LRIG1: variants seen among roughly 807,000 people sequenced by gnomAD.
LRIG1 encodes leucine rich repeats and immunoglobulin like domains 1, also known as leucine-rich repeats and immunoglobulin-like domains protein 1.
Under a neutral mutation model 99.2 loss-of-function variants are expected in LRIG1, and 48 were observed. The ratio of observed to expected loss-of-function variants is 0.48; its 90% CI spans 0.38 to 0.62. The LOEUF (loss-of-function observed/expected upper bound fraction) is 0.62, where lower values mean the gene tolerates loss of function less well. Among genes scored for constraint, LRIG1 ranks in the 20% least tolerant of loss-of-function variants. The pLI, the probability that LRIG1 is intolerant of heterozygous loss-of-function variation, is 0.00. For synonymous variants in LRIG1, 772 were observed against 596.1 expected, an observed-to-expected ratio of 1.29 and a Z score of -4.30; for missense variants, 1,646 against 1,434.4, an observed-to-expected ratio of 1.15 and a Z score of -2.38.
intron 4 of LRIG1, 57 bp downstream of exon 4, chr3:66,417,072 C>T (rs1368595729): frequency 1.3e-6 from 2 of 1,596,988 alleles, no homozygotes; most frequent in Admixed American, 1.7e-5. Flanking sequence ...GCCGGTGAAG[C>T]TGTTAGCTGG....
At position 66,500,317 on chromosome 3, in the gene LRIG1, C is replaced by T; in HGVS notation, c.91G>A (p.Val31Met). Residue 31 changes from valine (V) to methionine (M), a missense_variant, in exon 1 of 19, where the codon GTG becomes ATG. Val to Met is a conservative substitution (Grantham distance 21, BLOSUM62 1). Coordinates refer to ENST00000273261, the MANE Select transcript of LRIG1 (RefSeq NM_015541.3). ...GCCCGCGGGCCGGCCGCGGCGGTCACCGGCTCCAGCCGAAGCAAAAGCAGC... is the reference window on the plus strand; with the variant it reads ...GCCCGCGGGCCGGCCGCGGCGGTCATCGGCTCCAGCCGAAGCAAAAGCAGC... ...LWLLLLRLEP[V>M]TAAAGPRAPC... The T allele has an allele frequency of 6.7e-7, 1 of 1,482,998 alleles. No homozygotes were observed. Among genetic ancestry groups the T allele is most frequent in the Non-Finnish European group, 8.9e-7 (1 of 1,121,658 alleles). 91.9% of individuals were successfully genotyped at this position (1,482,998 alleles called of 1,614,324 possible).
intron 7 of LRIG1, among the ~76,000 whole-genome samples, chr3:66,409,507 C>G (rs1443894322): frequency 2.0e-5 from 3 of 152,228 alleles, no homozygotes; most frequent in Non-Finnish European, 4.4e-5. Context: ...CCAAAAGGAG[C>G]AAGAGGACCA....
Position 66,458,263 on chromosome 3 carries a change from G to A in LRIG1, c.290+4175C>T, listed in dbSNP as rs756325555. Among the ~76,000 whole-genome samples the A allele has an allele frequency of 1.2e-3, 186 of 152,114 alleles. 7 individuals are homozygous for A. The highest frequency in any genetic ancestry group is 3.4e-4 in the Non-Finnish European group (23 of 68,018). On this transcript the variant is annotated intron_variant, in intron 2 of 18. Transcript: ENST00000273261. ...CCCAAGAACCTGGGACTACAGGCATGGGCCACTATGTCCAGCTAATTTTTT... is the reference window on the plus strand; with the variant it reads ...CCCAAGAACCTGGGACTACAGGCATAGGCCACTATGTCCAGCTAATTTTTT...
intron 9 of LRIG1, chr3:66,404,343 C>T (rs2106638594): frequency 1.6e-6 from 2 of 1,286,378 alleles, no homozygotes; most frequent in Non-Finnish European, 2.0e-6. Context: ...GGGAATCGAG[C>T]GGCAGCCGTC....
chr3:66,397,126 G>A (rs1235386137), intron 11 of LRIG1, among the ~76,000 whole-genome samples: 2 of 152,220 alleles, frequency 1.3e-5, no homozygotes, highest in Non-Finnish European at 2.9e-5. Context: ...CTATTCAGCA[G>A]GCCTGAGGCT....
At chr3:66,474,760 C>T (rs572045181) in intron 1 of LRIG1, among the ~76,000 whole-genome samples, 84 of 152,312 alleles carry the variant, frequency 5.5e-4, no homozygotes, top group African/African-American at 1.9e-3. Flanking sequence ...ATGTGTCTTA[C>T]AGGGTGGACC....
At chr3:66,442,239 C>T (rs1033435357) in intron 3 of LRIG1, among the ~76,000 whole-genome samples, 1 of 152,126 alleles carries the variant, frequency 6.6e-6, no homozygotes, top group Non-Finnish European at 1.5e-5. Context: ...AGGAAAGGCC[C>T]GGCATAAACA....
At chr3:66,468,665 C>A (rs1700529791) in intron 1 of LRIG1, among the ~76,000 whole-genome samples, 1 of 152,218 alleles carries the variant, frequency 6.6e-6, no homozygotes, top group Non-Finnish European at 1.5e-5. Flanking sequence ...GGCGATTCAT[C>A]TCTTTCTCAA....
rs151188219 is a variant in LRIG1 at position 66,383,369 on chromosome 3, G to A, written c.2104C>T (p.Arg702Cys). 237 of 1,571,578 alleles carry A rather than the reference G, an allele frequency of 1.5e-4. 1 individual carries two copies. The East Asian group carries it at 4.0e-3, about 27-fold the overall frequency. ...TPSLVVPLED[R>C]VVSVGETVAL... is the part of the protein sequence containing the mutation. ...ACTGTTTCTCCCACAGATACCACAC[G>A]GTCTTCCAAGGGGACCACCAAGGAT... The change falls in exon 15 of 19, where the codon CGT becomes TGT. Residue 702 changes from arginine (R) to cysteine (C), a missense_variant. Coordinates refer to ENST00000273261, the MANE Select transcript of LRIG1 (RefSeq NM_015541.3).
At chr3:66,387,956 A>C (rs1429602930) in intron 12 of LRIG1, 1 of 150,252 alleles carries the variant, frequency 6.7e-6, no homozygotes, top group African/African-American at 2.5e-5. Flanking sequence ...AAAAAAAAAA[A>C]ATTAGCCGGG....
chr3:66,447,396 T>C (rs1419413605), intron 3 of LRIG1, among the ~76,000 whole-genome samples: 1 of 152,200 alleles, frequency 6.6e-6, no homozygotes, highest in Non-Finnish European at 1.5e-5. Context: ...TTAAAAAAAA[T>C]AGTTTTCAAA....
rs144312283 is a variant in LRIG1, at chr3:66,380,471, A to G, written c.3074T>C (p.Leu1025Ser). 2.2e-5 allele frequency: 36 copies of G among 1,614,172 alleles called. No homozygotes were observed. The highest frequency in any genetic ancestry group is 1.2e-4 in the African/African-American group (9 of 75,042). The change falls in exon 19 of 19, where the codon TTA becomes TCA. Residue 1025 changes from leucine to serine, a missense_variant. Coordinates refer to ENST00000273261, the MANE Select transcript of LRIG1 (RefSeq NM_015541.3). ...GGAGTCCGGGTGATACAACCTTGCT[A>G]AAGTCCAGGAAGAATCCCCTACAAG... ...LDGKGDSSWT[L>S]ARLYHPDSTE...
rs1701354144 is a variant in LRIG1, at chr3:66,386,010, T to C, written c.1760A>G (p.Tyr587Cys). Residue 587 changes from tyrosine (Y) to cysteine (C), a missense_variant, in exon 13 of 19, where the codon TAT becomes TGT. Transcript: ENST00000273261. ...CVITNHFGST[Y>C]SHKARLTVNV... The stretch of plus-strand genomic sequence containing the variant: ...CACGGTGAGCCTGGCCTTATGTGAA[T>C]AGGTGGAGCCAAAGTGGTTGGTGAT... 6.2e-7 allele frequency: 1 copy of C among 1,614,088 alleles called. No homozygotes were observed.
chr3:66,386,605 G>GC (rs1349653776), intron 12 of LRIG1: 34 of 327,000 alleles, frequency 1.0e-4, no homozygotes, highest in African/African-American at 6.5e-4. Flanking sequence ...AACTGGCTCT[G>GC]CCTGCTGACT....
In LRIG1 at chr3:66,473,513, T is replaced by C. The variant is rs540029527; in HGVS notation, c.219-11004A>G. 2.6e-5 allele frequency among the ~76,000 whole-genome samples: 4 copies of C among 152,352 alleles called. No individual in the cohort carries two copies. The South Asian group carries it at 8.3e-4, about 32-fold the overall frequency. ...TAAAGCTCATATAAAAATCCATGCTTACTTGCATTTGCCACAATGCTCGGC... is the reference window on the plus strand; with the variant it reads ...TAAAGCTCATATAAAAATCCATGCTCACTTGCATTTGCCACAATGCTCGGC... On this transcript the variant is annotated intron_variant, in intron 1 of 18. Coordinates refer to ENST00000273261, the MANE Select transcript of LRIG1 (RefSeq NM_015541.3).
At chr3:66,484,894 C>A (rs578192913) in intron 1 of LRIG1, among the ~76,000 whole-genome samples, 1 of 152,140 alleles carries the variant, frequency 6.6e-6, no homozygotes, top group Non-Finnish European at 1.5e-5. Context: ...GTGGCTCACA[C>A]CTGTAATCCC....
intron 3 of LRIG1, among the ~76,000 whole-genome samples, chr3:66,421,851 C>G (rs984042827): frequency 7.9e-5 from 12 of 152,264 alleles, no homozygotes; most frequent in African/African-American, 2.9e-4. Flanking sequence ...AAACTTCTAC[C>G]TGGGCATCCA....
chr3:66,436,116 C>G (rs59686198), intron 3 of LRIG1, among the ~76,000 whole-genome samples: 7 of 152,224 alleles, frequency 4.6e-5, no homozygotes, highest in African/African-American at 1.7e-4. Flanking sequence ...AAGGGTGTTG[C>G]TGATAAAGCT....
At chr3:66,398,066 A>T in intron 11 of LRIG1, 46 bp downstream of exon 11, 1 of 1,434,562 alleles carries the variant, frequency 7.0e-7, no homozygotes, top group Non-Finnish European at 9.8e-7. Flanking sequence ...CTTACTCTGA[A>T]AGTCTCCACT....
Sources: gnomAD v4.1 joint callset for allele counts (sites outside exome capture counted in the v4.1 genomes callset) on GRCh38, gnomAD v4.1.1 for gene constraint, MANE v1.5 for transcripts, NCBI Gene and HGNC (gene_info 2026-07-23, HGNC 2026-07-21) for gene names.